Variants in TTC16 observed in about 807,000 individuals in gnomAD.
The protein encoded by TTC16 is tetratricopeptide repeat protein 16.
Under a neutral mutation model 80.4 loss-of-function variants are expected in TTC16, and 66 were observed. The observed-to-expected ratio is 0.82, with a 90% CI of 0.67 to 1.01. The LOEUF is 1.01. Among genes scored for constraint, TTC16 ranks in the 50% least tolerant of loss-of-function variants. TTC16 has a pLI of 0.00. For synonymous variants in TTC16, 438 were observed against 451.3 expected (o/e 0.97, Z 0.37); for missense variants, 1,070 against 1,103.2 (o/e 0.97, Z 0.43).
chr9:127,729,789 C>T, intron 13 of TTC16, 121 bp downstream of exon 13: 9 of 883,864 alleles, frequency 1.0e-5, no homozygotes, highest in Admixed American at 4.3e-5. Context: ...AGCTGGGTGG[C>T]CTGGGGCGAG....
At chr9:127,726,556 G>A in intron 10 of TTC16, 152 bp downstream of exon 10, 1 of 949,576 alleles carries the variant, frequency 1.1e-6, no homozygotes, top group South Asian at 2.1e-5. Context: ...GGGAGCCCAA[G>A]GCGGGTGGAT....
chr9:127,716,270 C>A, intron 1 of TTC16, 107 bp downstream of exon 1: 4 of 1,525,104 alleles, frequency 2.6e-6, no homozygotes, highest in Non-Finnish European at 3.6e-6. Flanking sequence ...GGCAGCAGTC[C>A]GACTCAGGGA....
chr9:127,727,648 C>T (rs1316894825), intron 12 of TTC16, 183 bp downstream of exon 12: 3 of 1,288,612 alleles, frequency 2.3e-6, no homozygotes, highest in Non-Finnish European at 3.1e-6. Context: ...GCAAGGGGTG[C>T]TCCTGACGGA....
chr9:127,717,568 C>T (rs192273662), intron 3 of TTC16, 61 bp from the exon 4 acceptor site: 39 of 1,594,828 alleles, frequency 2.4e-5, no homozygotes, highest in Admixed American at 6.8e-5. Context: ...GGAGACTTTC[C>T]CCTACCCTCC....
At chr9:127,726,018 C>T (rs986201633) in intron 9 of TTC16, among the ~76,000 whole-genome samples, 11 of 152,192 alleles carry the variant, frequency 7.2e-5, no homozygotes, top group Non-Finnish European at 1.3e-4. Flanking sequence ...GCCTTCCCTA[C>T]CCCAAGATCA....
chr9:127,729,962 A>G (rs1844263896), intron 13 of TTC16: 2 of 410,274 alleles, frequency 4.9e-6, no homozygotes, highest in Non-Finnish European at 9.0e-6. Context: ...TTTTAGCCCC[A>G]GTACATAGGG....
rs774327950 is a variant in TTC16 at position 127,731,430 on chromosome 9, T to C, written c.*25T>C. 6.3e-7 allele frequency: 1 copy of C among 1,585,594 alleles called. No individual in the cohort carries two copies. The highest frequency in any genetic ancestry group is 8.6e-7 in the Non-Finnish European group (1 of 1,163,676). On this transcript the variant is annotated 3_prime_UTR_variant, in exon 14 of 14. Transcript: ENST00000373289. ...AAGGGACCATCCAGACCCTCCCTTC[T>C]TGCTGGGGAGGGGACGAGTTCTACC...
In TTC16 at chr9:127,724,905, G is replaced by T; in HGVS notation, c.1259+8G>T. On this transcript the variant is annotated splice_region_variant and intron_variant, in intron 9 of 13. Coordinates refer to ENST00000373289, the MANE Select transcript of TTC16 (RefSeq NM_144965.3). ...CTGCGAGCAGAGGCGCAAGTGCGTG[G>T]GCTCCCGCCCCCACGGTGGGCGGGG... The T allele has an allele frequency of 1.3e-6, 2 of 1,509,536 alleles. No individual in the cohort carries two copies. Among genetic ancestry groups the T allele is most frequent in the African/African-American group, 2.8e-5 (2 of 71,698 alleles). The allele number at this position is 1,509,536 out of a possible 1,614,324, so 93.5% of individuals were successfully genotyped here.
intron 12 of TTC16, 163 bp from the exon 13 acceptor site, chr9:127,729,418 G>A: frequency 1.6e-6 from 1 of 610,732 alleles, no homozygotes; most frequent in Non-Finnish European, 2.9e-6. Flanking sequence ...CTTCCTGCCA[G>A]GCTTAGCCTC....
At chr9:127,724,022 G>C (rs1307613378) in intron 7 of TTC16, 98 bp from the exon 8 acceptor site, 2 of 1,438,380 alleles carry the variant, frequency 1.4e-6, no homozygotes, top group Non-Finnish European at 1.8e-6. Context: ...GGGTCAGGAG[G>C]CCCAGAGCCG....
intron 12 of TTC16, 120 bp downstream of exon 12, chr9:127,727,585 C>G (rs1401140793): frequency 6.9e-7 from 1 of 1,442,402 alleles, no homozygotes; most frequent in African/African-American, 1.4e-5. Flanking sequence ...TCTGCACTCC[C>G]TCAGCTGTGT....
chr9:127,726,427 G>C (rs368251304), intron 10 of TTC16, 23 bp downstream of exon 10: 2 of 1,568,234 alleles, frequency 1.3e-6, no homozygotes, highest in Non-Finnish European at 1.7e-6. Context: ...CACGTCAGGA[G>C]TGTAGGCTCC....
intron 6 of TTC16, 94 bp from the exon 7 acceptor site, chr9:127,723,025 A>G: frequency 8.1e-7 from 1 of 1,232,258 alleles, no homozygotes; most frequent in Middle Eastern, 2.8e-4. Flanking sequence ...GGCACGGAGG[A>G]GGCATGGTGT....
Position 127,720,316 on chromosome 9 carries a change from T to C in TTC16, c.578T>C (p.Ile193Thr), listed in dbSNP as rs750775092. Reference protein sequence around the residue: ...LKQHQACLTLITNELKQDTTN... With the variant: ...LKQHQACLTLTTNELKQDTTN... The stretch of plus-strand genomic sequence containing the variant: ...CAGCATCAGGCCTGCCTCACGCTCA[T>C]CACCAACGAGCTGAAGCAGGACACC... Residue 193 changes from isoleucine to threonine, a missense_variant, in exon 6 of 14, where the codon ATC becomes ACC. Physicochemically the swap from Ile to Thr is moderately conservative, Grantham distance 89. Transcript: ENST00000373289. 1.9e-6 allele frequency: 3 copies of C among 1,613,194 alleles called. No homozygotes were observed. The African/African-American group carries it at 4.0e-5, about 22-fold the overall frequency.
chr9:127,724,135 A>G lies in TTC16; in HGVS notation c.888A>G (p.Arg296=). Residue 296 remains arginine, a synonymous_variant, in exon 8 of 14, where the codon CGA becomes CGG. Transcript: ENST00000373289. ...SLFLFRGTMY[R]RLQEFDGAVE... ...CCCCCGACAGGGGCACCATGTACCGACGGCTCCAGGAGTTCGATGGGGCAG... is the reference window on the plus strand; with the variant it reads ...CCCCCGACAGGGGCACCATGTACCGGCGGCTCCAGGAGTTCGATGGGGCAG... The G allele has an allele frequency of 6.2e-7, 1 of 1,611,606 alleles. No individual in the cohort carries two copies. Among genetic ancestry groups the G allele is most frequent in the South Asian group, 1.1e-5 (1 of 90,956 alleles).
rs183157965 is a variant in TTC16 at position 127,719,082 on chromosome 9, G to A, written c.427-996G>A. On this transcript the variant is annotated intron_variant, in intron 4 of 13. Coordinates refer to ENST00000373289, the MANE Select transcript of TTC16 (RefSeq NM_144965.3). ...AAAAACTAGCTAGGCATGGTGGCAC[G>A]TGCCTGTAATCCCAGCTACTTGGGA... Among the ~76,000 whole-genome samples the A allele has an allele frequency of 2.9e-3, 445 of 151,544 alleles. 1 individual carries two copies. Among genetic ancestry groups the A allele is most frequent in the African/African-American group, 0.01 (424 of 41,328 alleles).
intron 11 of TTC16, 54 bp downstream of exon 11, chr9:127,727,166 A>G (rs1844046258): frequency 5.2e-6 from 8 of 1,525,856 alleles, no homozygotes; most frequent in Non-Finnish European, 6.2e-6. Flanking sequence ...CTGCAGCTCC[A>G]GGCTCCTCTG....
In TTC16 at chr9:127,720,315, A is replaced by G; in HGVS notation, c.577A>G (p.Ile193Val). The G allele has an allele frequency of 1.9e-6, 3 of 1,613,442 alleles. No individual in the cohort carries two copies. The highest frequency in any genetic ancestry group is 2.5e-6 in the Non-Finnish European group (3 of 1,179,988). Residue 193 changes from isoleucine to valine, a missense_variant, in exon 6 of 14, where the codon ATC (isoleucine) becomes GTC (valine). Physicochemically the swap from Ile to Val is conservative, Grantham distance 29. Transcript: ENST00000373289. ...LKQHQACLTL[I>V]TNELKQDTTN... ...GCAGCATCAGGCCTGCCTCACGCTC[A>G]TCACCAACGAGCTGAAGCAGGACAC...
rs767960410 is a variant in TTC16 at position 127,724,369 on chromosome 9, G to A, written c.1117+5G>A. The A allele has an allele frequency of 1.5e-5, 24 of 1,610,716 alleles. No homozygotes were observed. The highest frequency in any genetic ancestry group is 2.0e-5 in the Non-Finnish European group (23 of 1,178,984). On this transcript the variant is annotated splice_donor_5th_base_variant and intron_variant, in intron 8 of 13. Transcript: ENST00000373289. ...GACTCTACATCAACCGAGGCGGTGC[G>A]CAGCGACCAGGGCACTGGGGAGGGG...
Sources: gnomAD v4.1 joint callset for allele counts (sites outside exome capture counted in the v4.1 genomes callset) on GRCh38, gnomAD v4.1.1 for gene constraint, MANE v1.5 for transcripts, NCBI Gene and HGNC (gene_info 2026-07-23, HGNC 2026-07-21) for gene names.